The following NELL1 variants were observed in gnomAD, a reference collection of about 807,000 sequenced individuals.
NELL1 encodes the protein neural EGFL like 1, also known as protein kinase C-binding protein NELL1.
In NELL1, 76 loss-of-function variants were observed where a neutral mutation model predicts 107.4. The observed-to-expected ratio is 0.71, with a 90% CI of 0.59 to 0.86. NELL1 has a LOEUF of 0.86. NELL1 is among the 40% of genes least tolerant of loss of function. NELL1 has a pLI of 0.00. For synonymous variants in NELL1, 353 were observed against 341.2 expected (o/e 1.03, Z -0.38); for missense variants, 1,024 against 1,005.5 (o/e 1.02, Z -0.25).
rs755057668 is a variant in NELL1, at chr11:20,928,488, T to C, written c.997+9T>C. The C allele has an allele frequency of 6.2e-7, 1 of 1,603,372 alleles. No individual in the cohort carries two copies. The highest frequency in any genetic ancestry group is 1.7e-5 in the Admixed American group (1 of 60,000). On this transcript the variant is annotated intron_variant, in intron 9 of 19. Transcript: ENST00000357134. Reference sequence around the variant, plus strand: ...CTGTAAGGTCTGCCGACGTAAGTACTGACTGAGGGTCAGACTGGCTGTCTG... The same window carrying C: ...CTGTAAGGTCTGCCGACGTAAGTACCGACTGAGGGTCAGACTGGCTGTCTG...
chr11:21,414,440 A>G (rs1422262927), intron 15 of NELL1, among the ~76,000 whole-genome samples: 4 of 152,074 alleles, frequency 2.6e-5, no homozygotes, highest in Non-Finnish European at 5.9e-5. Flanking sequence ...TGAGAATGAG[A>G]AAGGGATTTT....
At chr11:21,082,572 AG>A (rs1282108786) in intron 12 of NELL1, among the ~76,000 whole-genome samples, 1 of 152,154 alleles carries the variant, frequency 6.6e-6, no homozygotes, top group Admixed American at 6.5e-5. Context: ...AAATCCAGGA[AG>A]TTCGTGGTTT....
intron 17 of NELL1, among the ~76,000 whole-genome samples, chr11:21,570,416 A>T (rs1489311623): frequency 6.6e-6 from 1 of 151,870 alleles, no homozygotes; most frequent in African/African-American, 2.4e-5. Context: ...ATACAGGAGC[A>T]TGATTTTCCA....
chr11:21,081,487 C>A (rs920265023), intron 12 of NELL1, among the ~76,000 whole-genome samples: 2 of 152,098 alleles, frequency 1.3e-5, no homozygotes, highest in African/African-American at 2.4e-5. Context: ...ATTACTATTT[C>A]AGCTCACAAA....
Position 21,292,907 on chromosome 11 carries a change from C to T in NELL1, c.1549+63453C>T, listed in dbSNP as rs967090319. Among the ~76,000 whole-genome samples the T allele has an allele frequency of 8.5e-5, 13 of 152,254 alleles. No individual in the cohort carries two copies. The East Asian group carries it at 1.5e-3, about 18-fold the overall frequency. On this transcript the variant is annotated intron_variant, in intron 14 of 19. Coordinates refer to ENST00000357134, the MANE Select transcript of NELL1 (RefSeq NM_006157.5). ...CAGAAAACTGAAACTGGACCCCTTC[C>T]TTACACCTTATACAAAAATTAAGAT...
intron 13 of NELL1, among the ~76,000 whole-genome samples, chr11:21,150,026 A>T (rs1407013163): frequency 6.6e-6 from 1 of 152,062 alleles, no homozygotes; most frequent in Non-Finnish European, 1.5e-5. Flanking sequence ...AACTGGAAAG[A>T]AACAGCCGTG....
chr11:20,806,401 T>G (rs1047977121), intron 3 of NELL1, among the ~76,000 whole-genome samples: 1 of 152,162 alleles, frequency 6.6e-6, no homozygotes, highest in African/African-American at 2.4e-5. Flanking sequence ...AAAAGTCTGC[T>G]GCCAGATGTA....
intron 14 of NELL1, among the ~76,000 whole-genome samples, chr11:21,332,239 A>G (rs904925681): frequency 6.6e-6 from 1 of 151,944 alleles, no homozygotes; most frequent in African/African-American, 2.4e-5. Context: ...TTTGCGTTCA[A>G]AGGTCCAAGG....
intron 4 of NELL1, among the ~76,000 whole-genome samples, chr11:20,883,448 A>G (rs927049980): frequency 2.6e-5 from 4 of 152,218 alleles, no homozygotes; most frequent in Admixed American, 1.3e-4. Flanking sequence ...TAGCCTATTG[A>G]ATACATAAAA....
chr11:21,142,769 C>A lies in NELL1; in HGVS notation c.1426+29055C>A, dbSNP rs1165585242. The stretch of plus-strand genomic sequence containing the variant: ...TTTGTCATCCTTCCTCTGTTGCCTC[C>A]GTCTTCTCATCTGCAAAAGGACACA... On this transcript the variant is annotated intron_variant, in intron 13 of 19. Coordinates refer to ENST00000357134, the MANE Select transcript of NELL1 (RefSeq NM_006157.5). Among the ~76,000 whole-genome samples the A allele has an allele frequency of 2.0e-5, 3 of 152,284 alleles. No homozygotes were observed. In the East Asian group the frequency reaches 5.8e-4, roughly 29 times the overall value.
intron 19 of NELL1, among the ~76,000 whole-genome samples, chr11:21,574,127 C>CTGTT (rs1181144234): frequency 6.6e-6 from 1 of 151,812 alleles, no homozygotes; most frequent in Non-Finnish European, 1.5e-5. Context: ...GCCAAAATAT[C>CTGTT]TGTTTAAGAT....
chr11:21,090,103 C>T (rs1854487229), intron 12 of NELL1, among the ~76,000 whole-genome samples: 2 of 152,112 alleles, frequency 1.3e-5, no homozygotes, highest in African/African-American at 4.8e-5. Context: ...TTGCCACTTC[C>T]TGTAGTTTGA....
At chr11:20,995,675 C>A (rs1193844649) in intron 12 of NELL1, among the ~76,000 whole-genome samples, 1 of 152,140 alleles carries the variant, frequency 6.6e-6, no homozygotes, top group Non-Finnish European at 1.5e-5. Flanking sequence ...TTTGTTATTT[C>A]CCTTCAACCA....
At chr11:21,168,408 A>G (rs1412448148) in intron 13 of NELL1, among the ~76,000 whole-genome samples, 1 of 151,812 alleles carries the variant, frequency 6.6e-6, no homozygotes, top group Non-Finnish European at 1.5e-5. Flanking sequence ...CAATTTATGT[A>G]TAATATTCTT....
intron 15 of NELL1, among the ~76,000 whole-genome samples, chr11:21,529,456 G>A (rs1392959811): frequency 6.6e-6 from 1 of 152,106 alleles, no homozygotes; most frequent in Non-Finnish European, 1.5e-5. Context: ...TACAATTCTG[G>A]CATTCAGCAA....
chr11:20,865,192 A>C (rs1849072303), intron 4 of NELL1, among the ~76,000 whole-genome samples: 1 of 152,218 alleles, frequency 6.6e-6, no homozygotes, highest in Non-Finnish European at 1.5e-5. Context: ...GTTTCTAGAG[A>C]TGAAGACGAA....
intron 12 of NELL1, among the ~76,000 whole-genome samples, chr11:21,084,743 C>T (rs992066377): frequency 3.3e-5 from 5 of 152,130 alleles, no homozygotes; most frequent in African/African-American, 4.8e-5. Flanking sequence ...AACCACTGTG[C>T]GTTTGTGTCT....
At chr11:21,297,678 C>A (rs1849402489) in intron 14 of NELL1, among the ~76,000 whole-genome samples, 1 of 151,996 alleles carries the variant, frequency 6.6e-6, no homozygotes, top group Admixed American at 6.6e-5. Flanking sequence ...ACTGAGACTG[C>A]AGCTCTGAAA....
intron 13 of NELL1, among the ~76,000 whole-genome samples, chr11:21,216,295 T>C (rs993201090): frequency 2.6e-5 from 4 of 152,176 alleles, no homozygotes; most frequent in Non-Finnish European, 5.9e-5. Flanking sequence ...AGAGGCCTCA[T>C]GGAGAATCTC....
Sources: gnomAD v4.1 joint callset for allele counts (sites outside exome capture counted in the v4.1 genomes callset) on GRCh38, gnomAD v4.1.1 for gene constraint, MANE v1.5 for transcripts, NCBI Gene and HGNC (gene_info 2026-07-23, HGNC 2026-07-21) for gene names.